PRKAR2B: variants seen among roughly 807,000 people sequenced by gnomAD.
The protein encoded by PRKAR2B is protein kinase cAMP-dependent type II regulatory subunit beta.
Under a neutral mutation model 49.9 loss-of-function variants are expected in PRKAR2B, and 14 were observed. The observed-to-expected ratio is 0.28, with a 90% CI of 0.19 to 0.44. PRKAR2B has a LOEUF of 0.44. PRKAR2B is among the 20% of genes least tolerant of loss of function. The pLI is 1.00. For synonymous variants in PRKAR2B, 196 were observed against 197.7 expected (o/e 0.99, Z 0.07); for missense variants, 393 against 537.9 (o/e 0.73, Z 2.67).
At chr7:107,090,234 A>T (rs1794711467) in intron 2 of PRKAR2B, among the ~76,000 whole-genome samples, 1 of 152,120 alleles carries the variant, frequency 6.6e-6, no homozygotes, top group African/African-American at 2.4e-5. Context: ...CCTGTTAGGA[A>T]TCTCTCCATC....
chr7:107,082,095 G>A (rs999595340), intron 2 of PRKAR2B: 1 of 152,146 alleles, frequency 6.6e-6, no homozygotes, highest in African/African-American at 2.4e-5. Context: ...TAATCTGCAG[G>A]AGAAATGGAA....
chr7:107,153,858 T>A (rs992602135), intron 8 of PRKAR2B, among the ~76,000 whole-genome samples: 1 of 152,234 alleles, frequency 6.6e-6, no homozygotes, highest in Non-Finnish European at 1.5e-5. Context: ...TTCCTAGTTA[T>A]ATTTTTGAAG....
At chr7:107,145,733 A>ATTTT (rs916332834) in intron 5 of PRKAR2B, among the ~76,000 whole-genome samples, 33 of 93,408 alleles carry the variant, frequency 3.5e-4, no homozygotes, top group African/African-American at 7.9e-4. Context: ...TCTTCAGATG[A>ATTTT]TTTTTTTTTT....
chr7:107,131,327 G>A (rs1297383390), intron 4 of PRKAR2B, among the ~76,000 whole-genome samples: 3 of 152,094 alleles, frequency 2.0e-5, no homozygotes, highest in Admixed American at 2.0e-4. Flanking sequence ...GATCTTCCTT[G>A]CCATTTCAAC....
At chr7:107,087,856 T>C (rs1415146878) in intron 2 of PRKAR2B, among the ~76,000 whole-genome samples, 1 of 152,148 alleles carries the variant, frequency 6.6e-6, no homozygotes, top group Non-Finnish European at 1.5e-5. Context: ...ACCTAGTACA[T>C]CTCTGCCCTA....
chr7:107,155,892 G>A (rs1049228864), intron 8 of PRKAR2B, among the ~76,000 whole-genome samples: 8 of 152,148 alleles, frequency 5.3e-5, no homozygotes, highest in Admixed American at 6.6e-5. Context: ...TAAAGAAAAC[G>A]TGGTACATAT....
At chr7:107,149,976 C>T (rs950568414) in intron 6 of PRKAR2B, among the ~76,000 whole-genome samples, 8 of 151,810 alleles carry the variant, frequency 5.3e-5, no homozygotes, top group African/African-American at 1.9e-4. Context: ...CATAAATATA[C>T]ACCTACTATG....
chr7:107,094,548 T>C (rs1794798585), intron 2 of PRKAR2B, among the ~76,000 whole-genome samples: 1 of 152,214 alleles, frequency 6.6e-6, no homozygotes, highest in Non-Finnish European at 1.5e-5. Flanking sequence ...TTTGTTGCCA[T>C]TGCTTTTGGT....
intron 2 of PRKAR2B, among the ~76,000 whole-genome samples, chr7:107,105,232 A>AGAGAGGT (rs1475763044): frequency 1.3e-5 from 2 of 152,198 alleles, no homozygotes; most frequent in East Asian, 3.9e-4. Flanking sequence ...ATGCAGTGGA[A>AGAGAGGT]GAGAGGTCTT....
intron 2 of PRKAR2B, among the ~76,000 whole-genome samples, chr7:107,088,034 A>G (rs1463893900): frequency 1.3e-5 from 2 of 152,172 alleles, no homozygotes; most frequent in Non-Finnish European, 2.9e-5. Context: ...TATACTAAAC[A>G]TTCATTGATT....
At chr7:107,069,964 A>G (rs892815670) in intron 1 of PRKAR2B, 1 of 184,526 alleles carries the variant, frequency 5.4e-6, no homozygotes, top group Non-Finnish European at 1.1e-5. Flanking sequence ...TACTTGATGT[A>G]ATTGCCAAAT....
At chr7:107,087,158 A>G (rs1418856821) in intron 2 of PRKAR2B, among the ~76,000 whole-genome samples, 1 of 152,124 alleles carries the variant, frequency 6.6e-6, no homozygotes, top group Non-Finnish European at 1.5e-5. Context: ...TAGATTGAGA[A>G]TCTAGCAGAA....
chr7:107,047,479 G>A (rs959566029), intron 1 of PRKAR2B, among the ~76,000 whole-genome samples: 2 of 151,162 alleles, frequency 1.3e-5, no homozygotes, highest in Non-Finnish European at 2.9e-5. Flanking sequence ...GAGGGTTGCG[G>A]TTGTACAAAA....
intron 1 of PRKAR2B, chr7:107,066,878 G>T (rs1794159337): frequency 6.6e-6 from 1 of 151,922 alleles, no homozygotes; most frequent in Non-Finnish European, 1.5e-5. Flanking sequence ...GCCTGGCCAG[G>T]TTTTTTTCTT....
intron 6 of PRKAR2B, among the ~76,000 whole-genome samples, chr7:107,148,484 A>G (rs1795931303): frequency 6.6e-6 from 1 of 152,314 alleles, no homozygotes; most frequent in Non-Finnish European, 1.5e-5. Context: ...AGAGCTTTTT[A>G]GTAGTCTATA....
chr7:107,087,598 C>G (rs1794645574), intron 2 of PRKAR2B, among the ~76,000 whole-genome samples: 1 of 152,104 alleles, frequency 6.6e-6, no homozygotes, highest in Non-Finnish European at 1.5e-5. Context: ...TAAGTCCTTT[C>G]CCAAGCTTAC....
Position 107,140,849 on chromosome 7 carries a change from G to A in PRKAR2B, c.483G>A (p.Glu161=), listed in dbSNP as rs939931177. The A allele has an allele frequency of 6.2e-7, 1 of 1,605,876 alleles. No individual in the cohort carries two copies. The highest frequency in any genetic ancestry group is 1.1e-5 in the South Asian group (1 of 89,866). The stretch of plus-strand genomic sequence containing the variant: ...TATCCCATCTTTTTTAAAAATAGGA[G>A]CAGATGTCTCAAGTATTAGATGCCA... The part of the protein sequence containing the change: ...DILLFKNLDP[E]QMSQVLDAMF... The change falls in exon 5 of 11, where the codon GAG becomes GAA. Residue 161 remains glutamate, a splice_region_variant and synonymous_variant. Transcript: ENST00000265717.
In PRKAR2B at chr7:107,045,136, G is replaced by GCCGAGGAGCCCATGCAGTCCGACT. The variant is rs1298632805; in HGVS notation, c.237_260dup (p.Glu79_Glu86dup). ...CACCCCCAGCAAGGGGGTCAACTTC[G>GCCGAGGAGCCCATGCAGTCCGACT]CCGAGGAGCCCATGCAGTCCGACTC... is the stretch of plus-strand genomic sequence containing the variant. On this transcript the variant is annotated inframe_insertion, in exon 1 of 11. Transcript: ENST00000265717. 3 of 1,520,694 alleles carry GCCGAGGAGCCCATGCAGTCCGACT rather than the reference G, an allele frequency of 2.0e-6. No homozygotes were observed. The African/African-American group carries it at 4.2e-5, about 21-fold the overall frequency. 94.2% of individuals were successfully genotyped at this position (1,520,694 alleles called of 1,614,324 possible).
intron 10 of PRKAR2B, 95 bp from the exon 11 acceptor site, chr7:107,159,354 C>T (rs1796154492): frequency 1.7e-6 from 2 of 1,156,674 alleles, no homozygotes; most frequent in East Asian, 2.4e-5. Flanking sequence ...TATCATTGCA[C>T]TATTGATATA....
Sources: allele counts gnomAD v4.1 joint callset (sites outside exome capture counted in the v4.1 genomes callset), GRCh38; gene constraint gnomAD v4.1.1; transcripts MANE v1.5; gene names NCBI Gene and HGNC (gene_info 2026-07-23, HGNC 2026-07-21).